Variants in STK24 observed in about 807,000 individuals in gnomAD.
STK24 encodes serine/threonine-protein kinase 24.
A neutral mutation model predicts 55.6 loss-of-function variants in STK24; 21 were observed. The ratio of observed to expected loss-of-function variants is 0.38; its 90% CI spans 0.27 to 0.54. The LOEUF (loss-of-function observed/expected upper bound fraction) is 0.54, where lower values mean the gene tolerates loss of function less well. Among genes scored for constraint, STK24 ranks in the 20% least tolerant of loss-of-function variants. STK24 has a pLI of 0.79. For missense variants in STK24, 383 were observed against 538.4 expected, an observed-to-expected ratio of 0.71 and a Z score of 2.86; for synonymous variants, 200 against 215.2, an observed-to-expected ratio of 0.93 and a Z score of 0.62.
chr13:98,540,815 C>T (rs1338208924), intron 1 of STK24, among the ~76,000 whole-genome samples: 1 of 102,218 alleles, frequency 9.8e-6, no homozygotes, highest in African/African-American at 3.8e-5. Context: ...TGGAATATAA[C>T]AAAAGCCCAC....
At chr13:98,517,082 C>T (rs777058085) in intron 2 of STK24, among the ~76,000 whole-genome samples, 3 of 152,194 alleles carry the variant, frequency 2.0e-5, no homozygotes, top group Non-Finnish European at 4.4e-5. Context: ...TGTTTTGAAC[C>T]ACTGATCCTT....
chr13:98,476,609 G>A (rs932132871), intron 3 of STK24, among the ~76,000 whole-genome samples: 3 of 152,260 alleles, frequency 2.0e-5, no homozygotes, highest in African/African-American at 7.2e-5. Flanking sequence ...GAGCCCGACA[G>A]TCCTTGCGTG....
At chr13:98,515,987 G>C (rs936576788) in intron 2 of STK24, among the ~76,000 whole-genome samples, 4 of 152,188 alleles carry the variant, frequency 2.6e-5, no homozygotes, top group Non-Finnish European at 5.9e-5. Flanking sequence ...AGACCCATTT[G>C]TCTTACAAAT....
intron 1 of STK24, chr13:98,522,228 G>T: frequency 2.5e-6 from 1 of 405,922 alleles, no homozygotes; most frequent in Non-Finnish European, 3.3e-6. Context: ...TCTAGTTCCA[G>T]AAGGATCTTC....
At chr13:98,550,358 G>A (rs1478862100) in intron 1 of STK24, among the ~76,000 whole-genome samples, 1 of 152,140 alleles carries the variant, frequency 6.6e-6, no homozygotes, top group Non-Finnish European at 1.5e-5. Flanking sequence ...GAGCAACATA[G>A]GGGGAACCTG....
chr13:98,492,212 A>AT (rs1229337110), intron 2 of STK24, among the ~76,000 whole-genome samples: 1 of 151,982 alleles, frequency 6.6e-6, no homozygotes, highest in Admixed American at 6.6e-5. Flanking sequence ...AGGGCACAGT[A>AT]TTTTTTAAGG....
At chr13:98,524,923 C>T (rs1382422479) in intron 1 of STK24, among the ~76,000 whole-genome samples, 12 of 152,236 alleles carry the variant, frequency 7.9e-5, no homozygotes, top group African/African-American at 2.7e-4. Flanking sequence ...TCAAGCACGG[C>T]GACTTTCAGA....
At chr13:98,488,208 G>A (rs993526962) in intron 2 of STK24, among the ~76,000 whole-genome samples, 1 of 100,328 alleles carries the variant, frequency 1.0e-5, no homozygotes, top group Admixed American at 9.3e-5. Context: ...CACACACACG[G>A]GAAGACCACA....
chr13:98,565,981 G>A (rs915649968), intron 1 of STK24, among the ~76,000 whole-genome samples: 3 of 152,208 alleles, frequency 2.0e-5, no homozygotes, highest in African/African-American at 7.2e-5. Context: ...CTCTGCTCCA[G>A]CACCAGGCGG....
In STK24 at chr13:98,446,493, C is replaced by A; in HGVS notation, c.*6680G>T. 1.5e-6 allele frequency: 1 copy of A among 664,946 alleles called. No homozygotes were observed. Among genetic ancestry groups the A allele is most frequent in the Non-Finnish European group, 2.6e-6 (1 of 389,986 alleles). 41.2% of individuals were successfully genotyped at this position (664,946 alleles called of 1,614,324 possible). A position where few individuals can be genotyped will look rare whatever the true frequency, so the allele number is the denominator to read the frequency against. ...TACAGCTCAGTCCTGGCGGGACTTG[C>A]CACCCGGGCCATCACGTACAGGCAA... On this transcript the variant is annotated 3_prime_UTR_variant, in exon 11 of 11. Transcript: ENST00000539966.
At chr13:98,502,229 G>A (rs1895497493) in intron 2 of STK24, among the ~76,000 whole-genome samples, 1 of 152,148 alleles carries the variant, frequency 6.6e-6, no homozygotes, top group Non-Finnish European at 1.5e-5. Flanking sequence ...AGTTCTGGGT[G>A]CAGGGCCACA....
intron 1 of STK24, among the ~76,000 whole-genome samples, chr13:98,519,991 A>T (rs1055482080): frequency 6.6e-6 from 1 of 152,234 alleles, no homozygotes; most frequent in Non-Finnish European, 1.5e-5. Context: ...CACCAAAACA[A>T]TAACAATCTA....
Position 98,445,934 on chromosome 13 carries a change from A to G in STK24, c.*7239T>C. ...GGGGAAGTGATGAGATCAGGGTCCC[A>G]GGACCTGCCAAGTCTCCCCACACAC... On this transcript the variant is annotated 3_prime_UTR_variant, in exon 11 of 11. Transcript: ENST00000539966. 1 of 583,286 alleles carries G rather than the reference A, an allele frequency of 1.7e-6. No individual in the cohort carries two copies. Among genetic ancestry groups the G allele is most frequent in the Non-Finnish European group, 3.1e-6 (1 of 324,698 alleles). 36.1% of individuals were successfully genotyped at this position (583,286 alleles called of 1,614,324 possible). A position where few individuals can be genotyped will look rare whatever the true frequency, so the allele number is the denominator to read the frequency against.
intron 6 of STK24, among the ~76,000 whole-genome samples, chr13:98,464,139 C>T (rs1012991089): frequency 6.6e-6 from 1 of 152,124 alleles, no homozygotes; most frequent in Non-Finnish European, 1.5e-5. Flanking sequence ...ATGATCTGGT[C>T]GGGCGCAGTG....
chr13:98,513,111 C>A (rs544445939), intron 2 of STK24, among the ~76,000 whole-genome samples: 1 of 152,334 alleles, frequency 6.6e-6, no homozygotes, highest in African/African-American at 2.4e-5. Context: ...GCCTCGAGAA[C>A]AGAGGCTGGC....
In STK24 at chr13:98,447,855, G is replaced by GAAA. The variant is rs1412104542; in HGVS notation, c.*5315_*5317dup. ...GCCAGACCCTGTCTCAAAAAAAAAA[G>GAAA]AAAAAGAAAAAAGGAAGGGAGAGCT... On this transcript the variant is annotated 3_prime_UTR_variant, in exon 11 of 11. Coordinates refer to ENST00000539966, the MANE Select transcript of STK24 (RefSeq NM_001032296.4). 1 of 199,802 alleles carries GAAA rather than the reference G, an allele frequency of 5.0e-6. No homozygotes were observed. The allele number at this position is 199,802 out of a possible 1,614,324, so 12.4% of individuals were successfully genotyped here.
In STK24 at chr13:98,457,245, C is replaced by T. The variant is rs746289112; in HGVS notation, c.1182G>A (p.Gly394=). 43 of 1,613,662 alleles carry T rather than the reference C, an allele frequency of 2.7e-5. No homozygotes were observed. The East Asian group carries it at 9.6e-4, about 36-fold the overall frequency. The change falls in exon 10 of 11, where the codon GGG becomes GGA. Residue 394 remains glycine, a synonymous_variant. Coordinates refer to ENST00000539966, the MANE Select transcript of STK24 (RefSeq NM_001032296.4). ...ACGCCTCCTCCGCTAGGTAGATGGC[C>T]CCTCGCAGCTCTTCAATGGACCCCA... is the stretch of plus-strand genomic sequence containing the variant. ...GNLGSIEELR[G]AIYLAEEACP...
chr13:98,568,003 CTT>C (rs35375509), intron 1 of STK24, among the ~76,000 whole-genome samples: 21 of 141,778 alleles, frequency 1.5e-4, no homozygotes, highest in Non-Finnish European at 1.7e-4. Context: ...AAACAGAGAA[CTT>C]TTTTTTTTTT....
chr13:98,547,798 C>T (rs1897063382), intron 1 of STK24, among the ~76,000 whole-genome samples: 1 of 152,210 alleles, frequency 6.6e-6, no homozygotes, highest in Non-Finnish European at 1.5e-5. Context: ...ACCAAAGGAG[C>T]AAACTGAGAA....
Sources: allele counts gnomAD v4.1 joint callset (sites outside exome capture counted in the v4.1 genomes callset), GRCh38; gene constraint gnomAD v4.1.1; transcripts MANE v1.5; gene names NCBI Gene and HGNC (gene_info 2026-07-23, HGNC 2026-07-21).